SLC29A1: variants seen among roughly 807,000 people sequenced by gnomAD.
The protein encoded by SLC29A1 is equilibrative nucleoside transporter 1.
SLC29A1 carries 22 observed loss-of-function variants against 48.3 expected under a neutral mutation model. That is an observed-to-expected ratio of 0.46 (90% CI 0.33 to 0.65). The LOEUF (loss-of-function observed/expected upper bound fraction) is 0.65. SLC29A1 is among the 30% of genes least tolerant of loss of function. The pLI is 0.03. For synonymous variants in SLC29A1, 228 were observed against 231.0 expected, an observed-to-expected ratio of 0.99 and a Z score of 0.12; for missense variants, 491 against 575.3, an observed-to-expected ratio of 0.85 and a Z score of 1.50.
upstream of SLC29A1, among the ~76,000 whole-genome samples, chr6:44,220,844 AC>A (rs1023046773): frequency 7.3e-5 from 11 of 150,630 alleles, no homozygotes; most frequent in African/African-American, 2.7e-4. Flanking sequence ...AAAAAAAAAA[AC>A]AAACTTATTT....
Position 44,229,667 on chromosome 6 carries a change from G to T in SLC29A1, c.190G>T (p.Ala64Ser), listed in dbSNP as rs1778389080. 6.2e-7 allele frequency: 1 copy of T among 1,614,002 alleles called. No individual in the cohort carries two copies. ...AELSKDAQAS[A>S]APAAPLPERN... ...ACTGAGCAAGGACGCCCAGGCGTCA[G>T]CCGCCCCTGCAGCACCCTTGCCTGA... Residue 64 changes from alanine to serine, a missense_variant, in exon 4 of 13, where the codon GCC becomes TCC. Physicochemically the swap from Ala to Ser is moderately conservative, Grantham distance 99 (BLOSUM62 1). Coordinates refer to ENST00000371755, the MANE Select transcript of SLC29A1 (RefSeq NM_001372327.1). This position sits in a 1 kb window ranked among gnomAD's most constrained non-coding sequence, Gnocchi z 5.1.
chr6:44,222,868 T>C (rs149066355), upstream of SLC29A1, among the ~76,000 whole-genome samples: 84 of 152,318 alleles, frequency 5.5e-4, no homozygotes, highest in African/African-American at 1.9e-3. Flanking sequence ...GTGCTGGATT[T>C]AGAAAGGGTG....
rs8187635 is a variant in SLC29A1, at chr6:44,232,774, G to A, written c.1060-33G>A. On this transcript the variant is annotated intron_variant, in intron 11 of 12. Coordinates refer to ENST00000371755, the MANE Select transcript of SLC29A1 (RefSeq NM_001372327.1). This position sits in a 1 kb window ranked among gnomAD's most constrained non-coding sequence, Gnocchi z 4.7. ...GGGCCTGGCTGTGCCCTGGGGTGGC[G>A]GCCTGGGCTGAGGCCCTGCCTGGTG... 233 of 1,597,686 alleles carry A rather than the reference G, an allele frequency of 1.5e-4. No homozygotes were observed. The highest frequency in any genetic ancestry group is 7.4e-4 in the African/African-American group (55 of 74,748).
In SLC29A1 at chr6:44,223,655, C is replaced by G. The variant is rs761514620; in HGVS notation, c.-52+14C>G. On this transcript the variant is annotated intron_variant, in intron 1 of 12. Transcript: ENST00000371755. This position sits in a 1 kb window ranked among gnomAD's most constrained non-coding sequence, Gnocchi z 5.0. ...CTTCTGCGGCAGGTGCTGCCCGGGG[C>G]CGGGGACTGGGGACTGGGGACTGCC... 1.2e-5 allele frequency: 15 copies of G among 1,200,738 alleles called. No individual in the cohort carries two copies. The highest frequency in any genetic ancestry group is 1.6e-5 in the African/African-American group (1 of 60,990). 74.4% of individuals were successfully genotyped at this position (1,200,738 alleles called of 1,614,324 possible).
upstream of SLC29A1, chr6:44,223,532 C>A: frequency 8.8e-7 from 1 of 1,138,450 alleles, no homozygotes. This position sits in a 1 kb window ranked among gnomAD's most constrained non-coding sequence, Gnocchi z 5.0. Context: ...GCAGTGGGCG[C>A]AGGGCGGGGC....
chr6:44,227,287 C>T lies in SLC29A1; in HGVS notation c.-27C>T, dbSNP rs1420891953. 11 of 1,613,916 alleles carry T rather than the reference C, an allele frequency of 6.8e-6. No individual in the cohort carries two copies. Among genetic ancestry groups the T allele is most frequent in the South Asian group, 2.2e-5 (2 of 91,068 alleles). On this transcript the variant is annotated 5_prime_UTR_variant, in exon 2 of 13. Transcript: ENST00000371755. ...GGCCCCTGAGGGAGGGAGCTGTCAG[C>T]CAGGGAAAACCGAGAACACCATCAC...
Position 44,232,199 on chromosome 6 carries a change from C to T in SLC29A1, c.973+93C>T. 8.5e-7 allele frequency: 1 copy of T among 1,182,450 alleles called. No individual in the cohort carries two copies. The highest frequency in any genetic ancestry group is 1.3e-6 in the Non-Finnish European group (1 of 789,506). 73.2% of individuals were successfully genotyped at this position (1,182,450 alleles called of 1,614,324 possible). ...GGAGGGAGCCTGGGTCACCTTCTCCCCGTTTCCTGGGTCCATTTGCCCTTC... is the reference window on the plus strand; with the variant it reads ...GGAGGGAGCCTGGGTCACCTTCTCCTCGTTTCCTGGGTCCATTTGCCCTTC... On this transcript the variant is annotated intron_variant, in intron 10 of 12. Transcript: ENST00000371755. The surrounding 1 kb of genome is among the most constrained non-coding windows in gnomAD (Gnocchi z 4.7).
chr6:44,219,773 G>A, upstream of SLC29A1: 2 of 1,287,994 alleles, frequency 1.6e-6, no homozygotes, highest in Non-Finnish European at 2.0e-6. Flanking sequence ...TCACTCCAAA[G>A]TCTCAGCAGG....
rs369372192 is a variant in SLC29A1, at chr6:44,229,822, C to G, written c.314+31C>G. On this transcript the variant is annotated intron_variant, in intron 4 of 12. Transcript: ENST00000371755. The surrounding 1 kb of genome is among the most constrained non-coding windows in gnomAD (Gnocchi z 5.1). ...TGCCCACCCCCTCCCCAGCCCCCAG[C>G]CTGACCCTCACTGTGTCCTGCACCC... The G allele has an allele frequency of 4.6e-5, 74 of 1,609,968 alleles. No individual in the cohort carries two copies. Among genetic ancestry groups the G allele is most frequent in the Non-Finnish European group, 6.3e-5 (74 of 1,177,898 alleles).
In SLC29A1 at chr6:44,233,578, C is replaced by T. The variant is rs771297314; in HGVS notation, c.*50C>T. 4.2e-6 allele frequency: 6 copies of T among 1,429,692 alleles called. No homozygotes were observed. In the African/African-American group the frequency reaches 8.4e-5, roughly 20 times the overall value. 88.6% of individuals were successfully genotyped at this position (1,429,692 alleles called of 1,614,324 possible). A position where few individuals can be genotyped will look rare whatever the true frequency, so the allele number is the denominator to read the frequency against. ...TGCCTCCCTCCCTGTCTGCCTCCTGCCCCTTCCTTCTGCCAGGGGTGATCC... is the reference window on the plus strand; with the variant it reads ...TGCCTCCCTCCCTGTCTGCCTCCTGTCCCTTCCTTCTGCCAGGGGTGATCC... On this transcript the variant is annotated 3_prime_UTR_variant, in exon 13 of 13. Transcript: ENST00000371755.
intron 1 of SLC29A1, among the ~76,000 whole-genome samples, chr6:44,224,747 G>A (rs982418712): frequency 6.6e-6 from 1 of 152,170 alleles, no homozygotes; most frequent in African/African-American, 2.4e-5. Flanking sequence ...TGGGAGTCTG[G>A]AGGCAGGGAG....
chr6:44,228,567 G>T (rs1778102100), intron 2 of SLC29A1, among the ~76,000 whole-genome samples: 1 of 152,264 alleles, frequency 6.6e-6, no homozygotes, highest in Non-Finnish European at 1.5e-5. Flanking sequence ...CATCTCTGAA[G>T]AGAGCTGGTG....
At chr6:44,220,119 C>A (rs1478521541), upstream of SLC29A1, among the ~76,000 whole-genome samples, 2 of 152,120 alleles carry the variant, frequency 1.3e-5, no homozygotes, top group Non-Finnish European at 2.9e-5. Context: ...CGAGCCAGTA[C>A]CCACACTGTG....
upstream of SLC29A1, among the ~76,000 whole-genome samples, chr6:44,220,681 T>C (rs1582918039): frequency 6.7e-6 from 1 of 149,572 alleles, no homozygotes; most frequent in Admixed American, 6.6e-5. Flanking sequence ...AAAAATTAGC[T>C]GGGCGTGGTG....
upstream of SLC29A1, chr6:44,221,460 C>T (rs909971262): frequency 7.8e-6 from 3 of 386,366 alleles, no homozygotes; most frequent in Admixed American, 3.1e-5. This position sits in a 1 kb window ranked among gnomAD's most constrained non-coding sequence, Gnocchi z 4.2. Context: ...GGTGGTGAGG[C>T]ATGCATGGGG....
At chr6:44,230,966 T>C (rs1309547108) in intron 8 of SLC29A1, 77 bp downstream of exon 8, 5 of 1,109,690 alleles carry the variant, frequency 4.5e-6, no homozygotes, top group Non-Finnish European at 4.1e-6. Flanking sequence ...AGAACAAAGA[T>C]GAGTGCCCTG....
rs1370213976 is a variant in SLC29A1, at chr6:44,229,490, G to C, written c.111+19G>C. 2 of 1,611,086 alleles carry C rather than the reference G, an allele frequency of 1.2e-6. No homozygotes were observed. Among genetic ancestry groups the C allele is most frequent in the African/African-American group, 2.7e-5 (2 of 74,864 alleles). On this transcript the variant is annotated intron_variant, in intron 3 of 12. Transcript: ENST00000371755. This position sits in a 1 kb window ranked among gnomAD's most constrained non-coding sequence, Gnocchi z 5.1. ...CACTCAGGTGAGGCTGGAGGGACTG[G>C]GCTCCATGGGGCAGTGCCCACTGTG...
chr6:44,233,094 G>A, intron 12 of SLC29A1, 88 bp downstream of exon 12: 1 of 1,347,294 alleles, frequency 7.4e-7, no homozygotes, highest in Admixed American at 1.7e-5. Flanking sequence ...GGCAAAAGGA[G>A]AGTCCCTGCT....
In SLC29A1 at chr6:44,233,805, G is replaced by A. The variant is rs904526527; in HGVS notation, c.*277G>A. 6.2e-6 allele frequency: 3 copies of A among 481,252 alleles called. No individual in the cohort carries two copies. Among genetic ancestry groups the A allele is most frequent in the African/African-American group, 5.9e-5 (3 of 51,250 alleles). The allele number at this position is 481,252 out of a possible 1,614,324, so 29.8% of individuals were successfully genotyped here. On this transcript the variant is annotated 3_prime_UTR_variant, in exon 13 of 13. Coordinates refer to ENST00000371755, the MANE Select transcript of SLC29A1 (RefSeq NM_001372327.1). ...TCTTGGCTCTGACTGATCCCTGCTT[G>A]TGCAGGCCAGTGGAGGCTCTTGGGC...
Sources: gnomAD v4.1 joint callset for allele counts (sites outside exome capture counted in the v4.1 genomes callset) on GRCh38, gnomAD v4.1.1 for gene constraint, Gnocchi (gnomAD v3.1) non-coding constraint, MANE v1.5 for transcripts, NCBI Gene and HGNC (gene_info 2026-07-23, HGNC 2026-07-21) for gene names.